The following NXPH4 variants were observed in gnomAD, a reference collection of about 807,000 sequenced individuals.
NXPH4 encodes neurexophilin-4.
Under a neutral mutation model 21.3 loss-of-function variants are expected in NXPH4, and 8 were observed. That is an observed-to-expected ratio of 0.38 (90% CI 0.22 to 0.68). The LOEUF (loss-of-function observed/expected upper bound fraction) is 0.68, where lower values mean the gene tolerates loss of function less well. Among genes scored for constraint, NXPH4 ranks in the 30% least tolerant of loss-of-function variants. The probability of loss-of-function intolerance (pLI) is 0.53; values close to 1 mark genes in which losing one functional copy is unlikely to be tolerated. For missense variants in NXPH4, 418 were observed against 416.8 expected, an observed-to-expected ratio of 1.00 and a Z score of -0.03; for synonymous variants, 219 against 192.6, an observed-to-expected ratio of 1.14 and a Z score of -1.13.
chr12:57,223,118 T>G (rs2037107977), intron 1 of NXPH4, among the ~76,000 whole-genome samples: 2 of 152,128 alleles, frequency 1.3e-5, no homozygotes, highest in East Asian at 1.9e-4. Flanking sequence ...ACAATTGACA[T>G]GCATGTATGT....
chr12:57,221,352 C>G (rs970415057), intron 1 of NXPH4: 3 of 455,824 alleles, frequency 6.6e-6, no homozygotes, highest in African/African-American at 6.0e-5. Flanking sequence ...CTGGGAGCAC[C>G]CTGCCTGACC....
At chr12:57,218,900 C>A (rs1260438792) in intron 1 of NXPH4, among the ~76,000 whole-genome samples, 3 of 151,942 alleles carry the variant, frequency 2.0e-5, no homozygotes, top group Non-Finnish European at 4.4e-5. Context: ...ATGTATACCC[C>A]GGGGTTTCTG....
In NXPH4 at chr12:57,217,842, G is replaced by A. The variant is rs148049855; in HGVS notation, c.57+816G>A. ...GGGTGGAGGGCGTGGGTCACCGTGT[G>A]CACCTGTGTGCATGTGTCCAGGGAA... On this transcript the variant is annotated intron_variant, in intron 1 of 1. Transcript: ENST00000349394. Among the ~76,000 whole-genome samples the A allele has an allele frequency of 4.5e-3, 687 of 152,356 alleles. 6 individuals carry two copies. The highest frequency in any genetic ancestry group is 0.016 in the African/African-American group (653 of 41,572).
intron 1 of NXPH4, among the ~76,000 whole-genome samples, chr12:57,223,825 T>G (rs1273496622): frequency 3.3e-5 from 5 of 152,206 alleles, no homozygotes; most frequent in Admixed American, 3.3e-4. Flanking sequence ...TCTCGATCCA[T>G]CTTGTCCTCG....
intron 1 of NXPH4, among the ~76,000 whole-genome samples, chr12:57,217,873 G>A (rs141789234): frequency 1.3e-5 from 2 of 152,376 alleles, no homozygotes; most frequent in African/African-American, 2.4e-5. Context: ...GGGAAGCCAG[G>A]CTTGGTCCAG....
intron 1 of NXPH4, among the ~76,000 whole-genome samples, chr12:57,218,182 C>T (rs1460580250): frequency 1.3e-5 from 2 of 152,202 alleles, no homozygotes; most frequent in Non-Finnish European, 1.5e-5. Flanking sequence ...TGTATTTCTT[C>T]CCCCAACACT....
chr12:57,225,417 G>A lies in NXPH4; in HGVS notation c.597G>A (p.Ala199=), dbSNP rs749520582. 17 of 1,601,800 alleles carry A rather than the reference G, an allele frequency of 1.1e-5. No homozygotes were observed. Among genetic ancestry groups the A allele is most frequent in the Middle Eastern group, 1.7e-4 (1 of 6,050 alleles). ...CCCCGCTGGGGATGGCAGCAGCAGC[G>A]GCGGGGCCCGGGCTTGGGGGCTCCC... is the stretch of plus-strand genomic sequence containing the variant. ...LGPPLGMAAA[A]AGPGLGGSLG... is the part of the protein sequence containing the mutation. The change falls in exon 2 of 2, where the codon GCG becomes GCA. Residue 199 remains alanine (A), a synonymous_variant. Coordinates refer to ENST00000349394, the MANE Select transcript of NXPH4 (RefSeq NM_007224.4).
intron 1 of NXPH4, chr12:57,221,357 C>CT (rs779300125): frequency 3.9e-5 from 18 of 455,838 alleles, no homozygotes; most frequent in African/African-American, 3.6e-4. Flanking sequence ...AGCACCCTGC[C>CT]TGACCCAGGT....
At position 57,225,947 on chromosome 12, in the gene NXPH4, C is replaced by T. The variant is rs1228123940; in HGVS notation, c.*200C>T. On this transcript the variant is annotated 3_prime_UTR_variant, in exon 2 of 2. Coordinates refer to ENST00000349394, the MANE Select transcript of NXPH4 (RefSeq NM_007224.4). ...CGGAGTGCCCGCAAGGCTGGGGTAG[C>T]CCCCTCCAGTACACCCCAAAGTGAA... The T allele has an allele frequency of 1.4e-6, 2 of 1,433,036 alleles. No homozygotes were observed. The highest frequency in any genetic ancestry group is 1.8e-6 in the Non-Finnish European group (2 of 1,097,944). 88.8% of individuals were successfully genotyped at this position (1,433,036 alleles called of 1,614,324 possible). A position where few individuals can be genotyped will look rare whatever the true frequency, so the allele number is the denominator to read the frequency against.
intron 1 of NXPH4, among the ~76,000 whole-genome samples, chr12:57,217,397 G>A (rs977069315): frequency 2.6e-5 from 4 of 152,190 alleles, no homozygotes; most frequent in Admixed American, 6.5e-5. Context: ...CTGCCTCACT[G>A]TCTGTCTGTC....
chr12:57,222,554 C>A (rs535423560), intron 1 of NXPH4, among the ~76,000 whole-genome samples: 1 of 152,050 alleles, frequency 6.6e-6, no homozygotes, highest in Non-Finnish European at 1.5e-5. Context: ...GAAAGAACAG[C>A]GGTTGGGTGA....
intron 1 of NXPH4, among the ~76,000 whole-genome samples, chr12:57,223,373 G>A (rs1348989026): frequency 2.0e-5 from 3 of 151,932 alleles, no homozygotes; most frequent in Non-Finnish European, 4.4e-5. Context: ...AGCCAATCCA[G>A]GCACATACAC....
chr12:57,224,910 G>A lies in NXPH4; in HGVS notation c.90G>A (p.Arg30=), dbSNP rs554548614. 94 of 1,226,950 alleles carry A rather than the reference G, an allele frequency of 7.7e-5. No individual in the cohort carries two copies. The East Asian group carries it at 2.3e-3, about 30-fold the overall frequency. The allele number at this position is 1,226,950 out of a possible 1,614,324, so 76.0% of individuals were successfully genotyped here. A position where few individuals can be genotyped will look rare whatever the true frequency, so the allele number is the denominator to read the frequency against. Residue 30 remains arginine (R), a synonymous_variant, in exon 2 of 2, where the codon AGG becomes AGA. Coordinates refer to ENST00000349394, the MANE Select transcript of NXPH4 (RefSeq NM_007224.4). ...GTGCCCAGATACCAGAGTCCGGAAG[G>A]CCGCAGTACCTGGGGCTGCGCCCCG... The part of the protein sequence containing the change: ...AVSAQIPESG[R]PQYLGLRPAA...
chr12:57,224,248 C>A (rs1022598893), intron 1 of NXPH4, among the ~76,000 whole-genome samples: 1 of 152,146 alleles, frequency 6.6e-6, no homozygotes, highest in African/African-American at 2.4e-5. Flanking sequence ...ACCTCAGCCT[C>A]CCCAATAGCT....
chr12:57,223,627 G>A (rs550057120), intron 1 of NXPH4, among the ~76,000 whole-genome samples: 3 of 152,190 alleles, frequency 2.0e-5, no homozygotes, highest in African/African-American at 4.8e-5. Flanking sequence ...CACAGCACGC[G>A]GCGGTGGTGG....
chr12:57,225,174 C>G lies in NXPH4; in HGVS notation c.354C>G (p.Leu118=). 2 of 1,590,256 alleles carry G rather than the reference C, an allele frequency of 1.3e-6. No homozygotes were observed. Among genetic ancestry groups the G allele is most frequent in the Non-Finnish European group, 1.7e-6 (2 of 1,168,500 alleles). ...ACTTCTACTTTCGGGTGCATACCCT[C>G]AAGTTTTCGCTGCTGGTGACCGGCA... is the stretch of plus-strand genomic sequence containing the variant. ...WGDFYFRVHT[L]KFSLLVTGKI... Residue 118 remains leucine (L), a synonymous_variant, in exon 2 of 2, where the codon CTC becomes CTG. Transcript: ENST00000349394.
At chr12:57,218,005 A>G (rs142743045) in intron 1 of NXPH4, among the ~76,000 whole-genome samples, 2 of 152,142 alleles carry the variant, frequency 1.3e-5, no homozygotes, top group East Asian at 3.9e-4. Context: ...TGTGCCCGCA[A>G]TGGGGGCCCA....
intron 1 of NXPH4, chr12:57,221,564 C>T: frequency 5.9e-6 from 2 of 341,332 alleles, no homozygotes; most frequent in Non-Finnish European, 1.2e-5. Context: ...CCCGCTGCCT[C>T]GGGGGTAAAG....
At chr12:57,217,094 G>T in intron 1 of NXPH4, 68 bp downstream of exon 1, 3 of 1,371,396 alleles carry the variant, frequency 2.2e-6, no homozygotes, top group Non-Finnish European at 2.0e-6. Flanking sequence ...CCCAGTGTGC[G>T]AGGGGCTCCG....
Sources: allele counts gnomAD v4.1 joint callset (sites outside exome capture counted in the v4.1 genomes callset), GRCh38; gene constraint gnomAD v4.1.1; transcripts MANE v1.5; gene names NCBI Gene and HGNC (gene_info 2026-07-23, HGNC 2026-07-21).